GRIA1: variants seen among roughly 807,000 people sequenced by gnomAD.
GRIA1 encodes the protein glutamate ionotropic receptor AMPA type subunit 1.
A neutral mutation model predicts 99.2 loss-of-function variants in GRIA1; 31 were observed. The ratio of observed to expected loss-of-function variants is 0.31; its 90% confidence interval spans 0.23 to 0.42. GRIA1 has a LOEUF of 0.42. Ranked by LOEUF, GRIA1 falls within the 10% of genes least tolerant of loss-of-function variation. GRIA1 has a pLI of 1.00. For missense variants in GRIA1, 782 were observed against 1,157.5 expected, an observed-to-expected ratio of 0.68 and a Z score of 4.71; for synonymous variants, 438 against 432.4, an observed-to-expected ratio of 1.01 and a Z score of -0.16.
intron 12 of GRIA1, among the ~76,000 whole-genome samples, chr5:153,767,321 CT>C (rs1763583078): frequency 6.6e-6 from 1 of 152,170 alleles, no homozygotes; most frequent in South Asian, 2.1e-4. Flanking sequence ...GGTTATGCTA[CT>C]TGCCCAACGT....
chr5:153,722,813 T>TA (rs1760177199), intron 11 of GRIA1, among the ~76,000 whole-genome samples: 1 of 152,142 alleles, frequency 6.6e-6, no homozygotes, highest in Non-Finnish European at 1.5e-5. Flanking sequence ...TACGAGAAAA[T>TA]GTCTGCAGTG....
At chr5:153,519,226 C>A (rs1014612343) in intron 2 of GRIA1, among the ~76,000 whole-genome samples, 2 of 151,988 alleles carry the variant, frequency 1.3e-5, no homozygotes, top group Admixed American at 1.3e-4. Flanking sequence ...CACGCCACTG[C>A]ACTCCAGCCT....
chr5:153,721,607 A>G (rs979430131), intron 11 of GRIA1, among the ~76,000 whole-genome samples: 1 of 152,194 alleles, frequency 6.6e-6, no homozygotes, highest in Non-Finnish European at 1.5e-5. Flanking sequence ...TCTACTGAAT[A>G]GAATTATATA....
At chr5:153,649,714 G>A (rs1464252199) in intron 3 of GRIA1, among the ~76,000 whole-genome samples, 4 of 152,120 alleles carry the variant, frequency 2.6e-5, no homozygotes, top group East Asian at 1.9e-4. Context: ...CACCCACCTC[G>A]ACCTCCCAAA....
chr5:153,650,262 G>A, intron 3 of GRIA1, 68 bp from the exon 4 acceptor site: 1 of 1,421,368 alleles, frequency 7.0e-7, no homozygotes, highest in South Asian at 1.3e-5. Context: ...GTAGGTGCCT[G>A]ATGGGAGTGG....
At chr5:153,793,056 C>T (rs763926954) in intron 13 of GRIA1, among the ~76,000 whole-genome samples, 10 of 152,142 alleles carry the variant, frequency 6.6e-5, no homozygotes, top group South Asian at 2.1e-4. Context: ...TAAAAGGTAA[C>T]GGTTATAGTA....
intron 2 of GRIA1, among the ~76,000 whole-genome samples, chr5:153,596,635 C>G (rs780153249): frequency 6.6e-6 from 1 of 152,038 alleles, no homozygotes; most frequent in Non-Finnish European, 1.5e-5. Context: ...CCTGTTCTGA[C>G]GCTGGAAAAG....
At chr5:153,799,081 A>C (rs1581676260) in intron 14 of GRIA1, among the ~76,000 whole-genome samples, 1 of 149,916 alleles carries the variant, frequency 6.7e-6, no homozygotes, top group Non-Finnish European at 1.5e-5. Context: ...TGACTTTTCC[A>C]CCCCCCCCTG....
intron 5 of GRIA1, among the ~76,000 whole-genome samples, chr5:153,665,244 T>C (rs879712639): frequency 6.6e-5 from 10 of 152,228 alleles, no homozygotes; most frequent in African/African-American, 9.6e-5. Context: ...AGAAATTAGT[T>C]TGTGAGACCC....
intron 11 of GRIA1, among the ~76,000 whole-genome samples, chr5:153,754,273 T>G (rs548561924): frequency 6.6e-6 from 1 of 152,324 alleles, no homozygotes; most frequent in South Asian, 2.1e-4. Context: ...CCTCAAGTTC[T>G]TATCTTGTGA....
At chr5:153,795,494 G>A (rs764448080) in intron 14 of GRIA1, 30 of 1,608,236 alleles carry the variant, frequency 1.9e-5, no homozygotes, top group African/African-American at 8.0e-5. Context: ...TAAACCTAGC[G>A]GTTTTGAAAC....
chr5:153,507,923 C>T (rs1038973934), intron 2 of GRIA1, among the ~76,000 whole-genome samples: 4 of 152,200 alleles, frequency 2.6e-5, no homozygotes, highest in African/African-American at 9.7e-5. Flanking sequence ...CTCAGTCTTT[C>T]ACTGCTTTGG....
At chr5:153,503,560 T>C (rs1025585179) in intron 2 of GRIA1, among the ~76,000 whole-genome samples, 5 of 152,194 alleles carry the variant, frequency 3.3e-5, no homozygotes, top group Non-Finnish European at 7.3e-5. Flanking sequence ...TAGGAAGGTG[T>C]TCATTACCCA....
At chr5:153,599,045 C>A (rs1764665032) in intron 2 of GRIA1, among the ~76,000 whole-genome samples, 2 of 152,082 alleles carry the variant, frequency 1.3e-5, no homozygotes, top group Non-Finnish European at 2.9e-5. Context: ...CCACGCCTGG[C>A]TAGTTTTTTT....
In GRIA1 at chr5:153,494,085, T is replaced by C. The variant is rs761384360; in HGVS notation, c.220+20T>C. 44 of 1,611,630 alleles carry C rather than the reference T, an allele frequency of 2.7e-5. No individual in the cohort carries two copies. The South Asian group carries it at 4.5e-4, about 17-fold the overall frequency. Reference sequence around the variant, plus strand: ...ATAGATGTAAGTAATTGCTTCTATTTCTGAGATGTCTTTCTGCGCTAGACC... The same window carrying C: ...ATAGATGTAAGTAATTGCTTCTATTCCTGAGATGTCTTTCTGCGCTAGACC... On this transcript the variant is annotated intron_variant, in intron 2 of 15. Transcript: ENST00000285900.
chr5:153,670,765 G>A (rs912050109), intron 5 of GRIA1, among the ~76,000 whole-genome samples: 1 of 152,036 alleles, frequency 6.6e-6, no homozygotes, highest in Non-Finnish European at 1.5e-5. Context: ...TGAGTGAATT[G>A]AATTTTCCCA....
At chr5:153,661,318 A>T (rs991350181) in intron 5 of GRIA1, among the ~76,000 whole-genome samples, 5 of 152,182 alleles carry the variant, frequency 3.3e-5, no homozygotes, top group Admixed American at 3.3e-4. Context: ...CTTATTAGCT[A>T]TGTAACATTA....
At chr5:153,792,822 T>A (rs1765386174) in intron 13 of GRIA1, among the ~76,000 whole-genome samples, 1 of 152,026 alleles carries the variant, frequency 6.6e-6, no homozygotes, top group Non-Finnish European at 1.5e-5. Context: ...TACTGGCCCA[T>A]AAAGGTACCT....
chr5:153,598,041 G>A (rs1764576050), intron 2 of GRIA1, among the ~76,000 whole-genome samples: 1 of 151,978 alleles, frequency 6.6e-6, no homozygotes, highest in Admixed American at 6.6e-5. Context: ...TTTAGAAGCA[G>A]ATCTAGAGAA....
Sources: allele counts gnomAD v4.1 joint callset (sites outside exome capture counted in the v4.1 genomes callset), GRCh38; gene constraint gnomAD v4.1.1; transcripts MANE v1.5; gene names NCBI Gene and HGNC (gene_info 2026-07-23, HGNC 2026-07-21).